The following SNRPD1 variants were observed in gnomAD, a reference collection of about 807,000 sequenced individuals.
SNRPD1 encodes small nuclear ribonucleoprotein Sm D1.
In SNRPD1, 1 loss-of-function variant was observed where a neutral mutation model predicts 14.4. The ratio of observed to expected loss-of-function variants is 0.07; its 90% CI spans 0.02 to 0.33. SNRPD1 has a LOEUF of 0.33. Among genes scored for constraint, SNRPD1 ranks in the 10% least tolerant of loss-of-function variants. The probability of loss-of-function intolerance (pLI) is 1.00; values close to 1 mark genes in which losing one functional copy is unlikely to be tolerated. For synonymous variants in SNRPD1, 42 were observed against 50.3 expected, an observed-to-expected ratio of 0.83 and a Z score of 0.70; for missense variants, 52 against 146.4, an observed-to-expected ratio of 0.36 and a Z score of 3.33.
rs768140904 is a variant in SNRPD1 at position 21,612,446 on chromosome 18, G to A, written c.14+3G>A. 1.3e-6 allele frequency: 2 copies of A among 1,546,458 alleles called. No homozygotes were observed. Among genetic ancestry groups the A allele is most frequent in the African/African-American group, 1.4e-5 (1 of 72,470 alleles). ...GCCGCTAGGATGAAGCTCGTGAGGT[G>A]AGGGAGTGACCAAGCAGCTCTGGGG... On this transcript the variant is annotated splice_donor_region_variant and intron_variant, in intron 1 of 3. Coordinates refer to ENST00000300413, the MANE Select transcript of SNRPD1 (RefSeq NM_006938.4).
chr18:21,623,134 G>A (rs2039010842), intron 2 of SNRPD1, among the ~76,000 whole-genome samples: 1 of 151,784 alleles, frequency 6.6e-6, no homozygotes, highest in Admixed American at 6.6e-5. Flanking sequence ...TACCCAGGCT[G>A]GAGTGCAGTG....
intron 3 of SNRPD1, 47 bp from the exon 4 acceptor site, chr18:21,629,013 CAT>C (rs1362204192): frequency 7.1e-7 from 1 of 1,412,338 alleles, no homozygotes; most frequent in African/African-American, 1.4e-5. Context: ...GTCTAGGTAA[CAT>C]TGGTGCAGGA....
intron 1 of SNRPD1, among the ~76,000 whole-genome samples, chr18:21,618,174 G>A (rs2038971369): frequency 6.6e-6 from 1 of 152,014 alleles, no homozygotes; most frequent in East Asian, 1.9e-4. Flanking sequence ...TGTAATCCCA[G>A]CACTTTGGGA....
At chr18:21,613,854 CAAAAAAAA>C (rs56863125) in intron 1 of SNRPD1, among the ~76,000 whole-genome samples, 2 of 58,696 alleles carry the variant, frequency 3.4e-5, no homozygotes, top group Non-Finnish European at 5.9e-5. Flanking sequence ...GACTCCATCT[CAAAAAAAA>C]AAAAAAAAAA....
rs149684500 is a variant in SNRPD1, at chr18:21,630,295, T to C, written c.*1157T>C. ...CTTTTAAAAATTGTTTTTGATTTGC[T>C]AAGCTCAGAAAAAATGTCTCTCAGT... On this transcript the variant is annotated 3_prime_UTR_variant, in exon 4 of 4. Coordinates refer to ENST00000300413, the MANE Select transcript of SNRPD1 (RefSeq NM_006938.4). The C allele has an allele frequency of 6.6e-6, 1 of 152,320 alleles. No homozygotes were observed. Among genetic ancestry groups the C allele is most frequent in the Non-Finnish European group, 1.5e-5 (1 of 68,018 alleles). The allele number at this position is 152,320 out of a possible 1,614,324, so 9.4% of individuals were successfully genotyped here. A position where few individuals can be genotyped will look rare whatever the true frequency, so the allele number is the denominator to read the frequency against.
At chr18:21,614,877 G>C (rs930985628) in intron 1 of SNRPD1, among the ~76,000 whole-genome samples, 1 of 152,170 alleles carries the variant, frequency 6.6e-6, no homozygotes, top group African/African-American at 2.4e-5. Flanking sequence ...GGATAATTGT[G>C]TATTTGTCCT....
At chr18:21,623,978 A>G in intron 3 of SNRPD1, 39 bp downstream of exon 3, 1 of 1,196,202 alleles carries the variant, frequency 8.4e-7, no homozygotes, top group Non-Finnish European at 1.2e-6. Context: ...GTGAATGCTA[A>G]TCCTAATCCA....
intron 1 of SNRPD1, among the ~76,000 whole-genome samples, chr18:21,620,927 G>T (rs1454059182): frequency 2.0e-5 from 3 of 152,122 alleles, no homozygotes; most frequent in African/African-American, 4.8e-5. Flanking sequence ...ACTTTGGGAG[G>T]CCGAGGCGGG....
Position 21,632,457 on chromosome 18 carries a change from A to C in SNRPD1, c.*3319A>C, listed in dbSNP as rs1369563458. The C allele has an allele frequency of 8.2e-6, 1 of 122,562 alleles. No homozygotes were observed. The highest frequency in any genetic ancestry group is 2.0e-4 in the East Asian group (1 of 4,906). 7.6% of individuals were successfully genotyped at this position (122,562 alleles called of 1,614,324 possible). ...CTGAGTGACAGAGCGAGACTGTTTC[A>C]AAAAAAAAAAAAAAATTTGTTTTGA... On this transcript the variant is annotated 3_prime_UTR_variant, in exon 4 of 4. Coordinates refer to ENST00000300413, the MANE Select transcript of SNRPD1 (RefSeq NM_006938.4).
intron 1 of SNRPD1, among the ~76,000 whole-genome samples, chr18:21,616,966 G>A (rs1324464868): frequency 3.3e-5 from 5 of 152,000 alleles, no homozygotes; most frequent in African/African-American, 4.8e-5. Context: ...GATTACAGGC[G>A]TGAGCCACTG....
chr18:21,627,200 C>G (rs570932723), intron 3 of SNRPD1, among the ~76,000 whole-genome samples: 5 of 152,022 alleles, frequency 3.3e-5, no homozygotes, highest in African/African-American at 1.2e-4. Flanking sequence ...ACCCGAGAGG[C>G]GGAGATTGCA....
chr18:21,623,145 G>T (rs2039010903), intron 2 of SNRPD1, among the ~76,000 whole-genome samples: 1 of 151,934 alleles, frequency 6.6e-6, no homozygotes, highest in Non-Finnish European at 1.5e-5. Flanking sequence ...GAGTGCAGTG[G>T]CACAATCTCA....
At chr18:21,625,058 A>G (rs114568629) in intron 3 of SNRPD1, among the ~76,000 whole-genome samples, 8 of 152,232 alleles carry the variant, frequency 5.3e-5, no homozygotes, top group African/African-American at 1.9e-4. Context: ...GGTTAAATCC[A>G]TGGATGTGCA....
chr18:21,615,233 C>G (rs1345278296), intron 1 of SNRPD1, among the ~76,000 whole-genome samples: 1 of 152,308 alleles, frequency 6.6e-6, no homozygotes, highest in South Asian at 2.1e-4. Flanking sequence ...CTTTTAGTTA[C>G]ATGTTTTTGA....
rs1014903657 is a variant in SNRPD1 at position 21,630,424 on chromosome 18, T to G, written c.*1286T>G. The G allele has an allele frequency of 1.3e-5, 2 of 152,010 alleles. No homozygotes were observed. The highest frequency in any genetic ancestry group is 2.4e-5 in the African/African-American group (1 of 41,434). 9.4% of individuals were successfully genotyped at this position (152,010 alleles called of 1,614,324 possible). A position where few individuals can be genotyped will look rare whatever the true frequency, so the allele number is the denominator to read the frequency against. On this transcript the variant is annotated 3_prime_UTR_variant, in exon 4 of 4. Transcript: ENST00000300413. ...TGTATTTTCATCATGTATGTGAGTT[T>G]TTTTTTTTTTAAGTAAAGAAATTTT...
rs80032612 is a variant in SNRPD1, at chr18:21,617,574, T to C, written c.14+5131T>C. ...CTAGGTTCTCTTTTAAATGTGAATA[T>C]GAGCCTGGTACTCCACTTCATTGAT... On this transcript the variant is annotated intron_variant, in intron 1 of 3. Coordinates refer to ENST00000300413, the MANE Select transcript of SNRPD1 (RefSeq NM_006938.4). Among the ~76,000 whole-genome samples, 317 of 152,346 alleles carry C rather than the reference T, an allele frequency of 2.1e-3. 2 individuals are homozygous for C. The highest frequency in any genetic ancestry group is 7.4e-3 in the African/African-American group (308 of 41,586).
In SNRPD1 at chr18:21,630,783, T is replaced by C. The variant is rs1332848629; in HGVS notation, c.*1645T>C. On this transcript the variant is annotated 3_prime_UTR_variant, in exon 4 of 4. Transcript: ENST00000300413. ...TCAAAAAAAAATCGAGAGAGAGATATATATATGTATTTATATATATATGTA... is the reference window on the plus strand; with the variant it reads ...TCAAAAAAAAATCGAGAGAGAGATACATATATGTATTTATATATATATGTA... 1 of 148,394 alleles carries C rather than the reference T, an allele frequency of 6.7e-6. No individual in the cohort carries two copies. The allele number at this position is 148,394 out of a possible 1,614,324, so 9.2% of individuals were successfully genotyped here. A position where few individuals can be genotyped will look rare whatever the true frequency, so the allele number is the denominator to read the frequency against.
At chr18:21,623,426 A>G (rs544365128) in intron 2 of SNRPD1, among the ~76,000 whole-genome samples, 81 of 152,332 alleles carry the variant, frequency 5.3e-4, no homozygotes, top group African/African-American at 1.9e-3. Flanking sequence ...TGAGGAAGTT[A>G]CAAAGACAGT....
At position 21,632,370 on chromosome 18, in the gene SNRPD1, A is replaced by C. The variant is rs2039090534; in HGVS notation, c.*3232A>C. 6.6e-6 allele frequency: 1 copy of C among 151,994 alleles called. No individual in the cohort carries two copies. Among genetic ancestry groups the C allele is most frequent in the Admixed American group, 6.6e-5 (1 of 15,226 alleles). 9.4% of individuals were successfully genotyped at this position (151,994 alleles called of 1,614,324 possible). A position where few individuals can be genotyped will look rare whatever the true frequency, so the allele number is the denominator to read the frequency against. On this transcript the variant is annotated 3_prime_UTR_variant, in exon 4 of 4. Transcript: ENST00000300413. The stretch of plus-strand genomic sequence containing the variant: ...GTTACTCAGGAGGCTTAGGCAGGAG[A>C]ATCACTTGAACCCTGGAGGCAGAGG...
Sources: allele counts gnomAD v4.1 joint callset (sites outside exome capture counted in the v4.1 genomes callset), GRCh38; gene constraint gnomAD v4.1.1; transcripts MANE v1.5; gene names NCBI Gene and HGNC (gene_info 2026-07-23, HGNC 2026-07-21).